The following SNX14 variants were observed in gnomAD, a reference collection of about 807,000 sequenced individuals.
SNX14 encodes sorting nexin-14.
Under a neutral mutation model 133.8 loss-of-function variants are expected in SNX14, and 93 were observed. The observed-to-expected ratio is 0.70, with a 90% CI of 0.59 to 0.83. SNX14 has a LOEUF of 0.83. Among genes scored for constraint, SNX14 ranks in the 40% least tolerant of loss-of-function variants. The pLI, the probability that SNX14 is intolerant of heterozygous loss-of-function variation, is 0.00. For missense variants in SNX14, 945 were observed against 1,094.9 expected (o/e 0.86, Z 1.93); for synonymous variants, 368 against 365.6 (o/e 1.01, Z -0.07).
intron 4 of SNX14, 86 bp downstream of exon 4, chr6:85,572,051 G>T: frequency 1.8e-6 from 2 of 1,123,906 alleles, no homozygotes; most frequent in Non-Finnish European, 1.3e-6. Flanking sequence ...GATGCTCCAT[G>T]ATTAAATTTT....
intron 12 of SNX14, among the ~76,000 whole-genome samples, chr6:85,544,197 T>C (rs1043882657): frequency 1.3e-5 from 2 of 152,182 alleles, no homozygotes; most frequent in Non-Finnish European, 2.9e-5. Flanking sequence ...AGAACTGAGT[T>C]TGAACAAATG....
intron 4 of SNX14, among the ~76,000 whole-genome samples, chr6:85,571,036 A>C (rs1795370127): frequency 6.6e-6 from 1 of 152,024 alleles, no homozygotes; most frequent in African/African-American, 2.4e-5. Context: ...AGAAGTCTTA[A>C]ATCAGGGTAT....
chr6:85,533,562 G>C (rs777016602), intron 18 of SNX14, 37 bp downstream of exon 18: 19 of 1,577,828 alleles, frequency 1.2e-5, no homozygotes, highest in Non-Finnish European at 1.6e-5. Context: ...CTCATTCATG[G>C]GCATCTTTTA....
At chr6:85,580,674 T>C (rs1399526956) in intron 1 of SNX14, among the ~76,000 whole-genome samples, 1 of 152,200 alleles carries the variant, frequency 6.6e-6, no homozygotes, top group East Asian at 1.9e-4. Context: ...GGCCTTGGGC[T>C]TAAGTAAACA....
rs9444350 is a variant in SNX14 at position 85,512,557 on chromosome 6, G to C, written c.2653+1243C>G. On this transcript the variant is annotated intron_variant, in intron 26 of 28. Transcript: ENST00000314673. ...GAATTGCTTGAACCCAGGAGGCGGA[G>C]GTTGCAGTGAGCAGAGATCGTGTCA... 1.5e-3 allele frequency among the ~76,000 whole-genome samples: 234 copies of C among 151,100 alleles called. 1 individual carries two copies. The highest frequency in any genetic ancestry group is 5.5e-3 in the African/African-American group (226 of 41,070).
At chr6:85,555,343 TTGGTGAA>T (rs1789329035) in intron 7 of SNX14, among the ~76,000 whole-genome samples, 1 of 152,232 alleles carries the variant, frequency 6.6e-6, no homozygotes, top group African/African-American at 2.4e-5. Context: ...TGTCCTTCAA[TTGGTGAA>T]TGGATAAACA....
chr6:85,584,389 T>C (rs560139293), intron 1 of SNX14, among the ~76,000 whole-genome samples: 22 of 152,120 alleles, frequency 1.4e-4, no homozygotes, highest in African/African-American at 4.8e-4. Context: ...AAAGCCAAAA[T>C]TGACAAATGG....
chr6:85,514,089 T>G lies in SNX14; in HGVS notation c.2538A>C (p.Ser846=). 1.9e-6 allele frequency: 3 copies of G among 1,613,042 alleles called. No individual in the cohort carries two copies. Among genetic ancestry groups the G allele is most frequent in the Non-Finnish European group, 2.5e-6 (3 of 1,179,684 alleles). ...ACAAACCTCTGAGAAGTGTTATGAGTGAGACCAAACGGTGCTCCTGAAATA... is the reference window on the plus strand; with the variant it reads ...ACAAACCTCTGAGAAGTGTTATGAGGGAGACCAAACGGTGCTCCTGAAATA... ...EQLFQEHRLV[S]LITLLRDAIF... The change falls in exon 25 of 29, where the codon TCA becomes TCC. Residue 846 remains serine (S), a synonymous_variant. Coordinates refer to ENST00000314673, the MANE Select transcript of SNX14 (RefSeq NM_153816.6).
intron 21 of SNX14, among the ~76,000 whole-genome samples, chr6:85,522,564 A>C (rs2127924918): frequency 6.6e-6 from 1 of 152,288 alleles, no homozygotes; most frequent in East Asian, 1.9e-4. Flanking sequence ...AAAAGTTTAC[A>C]ATTTTCTCTA....
At chr6:85,530,635 ACT>A (rs1309272743) in intron 18 of SNX14, among the ~76,000 whole-genome samples, 3 of 148,766 alleles carry the variant, frequency 2.0e-5, no homozygotes, top group African/African-American at 7.5e-5. Flanking sequence ...ACAGAGCGAG[ACT>A]CTGTCTCAAA....
At chr6:85,568,887 T>C (rs1268687941) in intron 4 of SNX14, among the ~76,000 whole-genome samples, 2 of 152,128 alleles carry the variant, frequency 1.3e-5, no homozygotes, top group African/African-American at 4.8e-5. Flanking sequence ...TCATTAAACA[T>C]TTCTTCTTCC....
chr6:85,587,851 A>T, intron 1 of SNX14, among the ~76,000 whole-genome samples: 1 of 152,260 alleles, frequency 6.6e-6, no homozygotes, highest in East Asian at 1.9e-4. Context: ...TAAAGAAATT[A>T]AAATAGTAAT....
At chr6:85,539,882 G>T (rs190494790) in intron 15 of SNX14, among the ~76,000 whole-genome samples, 4 of 151,400 alleles carry the variant, frequency 2.6e-5, no homozygotes, top group African/African-American at 9.7e-5. Context: ...AGCCAAGAAG[G>T]CTTTTCATCT....
intron 16 of SNX14, 82 bp from the exon 17 acceptor site, chr6:85,537,006 A>G: frequency 2.1e-6 from 3 of 1,422,668 alleles, no homozygotes; most frequent in Non-Finnish European, 2.8e-6. Context: ...ATTAAAAAAA[A>G]GAAAAACAGT....
intron 21 of SNX14, 116 bp from the exon 22 acceptor site, chr6:85,518,164 G>A: frequency 1.3e-6 from 1 of 798,868 alleles, no homozygotes; most frequent in South Asian, 1.9e-5. Context: ...AACTGTAAAA[G>A]TATTTATGAT....
chr6:85,517,820 G>T lies in SNX14; in HGVS notation c.2204C>A (p.Pro735Gln). ...TTCTGGTCTACTTGGTTTAGGCTTT[G>T]GAGACTCACAAGAATTAATGAAATT... ...IMNFINSCES[P>Q]KPKPSRPELT... is the part of the protein sequence containing the mutation. Residue 735 changes from proline to glutamine, a missense_variant, in exon 23 of 29, where the codon CCA becomes CAA. Physicochemically the swap from Pro to Gln is moderately conservative, Grantham distance 76. Coordinates refer to ENST00000314673, the MANE Select transcript of SNX14 (RefSeq NM_153816.6). 6.2e-7 allele frequency: 1 copy of T among 1,611,266 alleles called. No homozygotes were observed. The highest frequency in any genetic ancestry group is 1.7e-4 in the Middle Eastern group (1 of 6,046).
intron 2 of SNX14, among the ~76,000 whole-genome samples, chr6:85,572,970 A>G (rs1796169323): frequency 6.6e-6 from 1 of 152,176 alleles, no homozygotes; most frequent in Non-Finnish European, 1.5e-5. Flanking sequence ...AGGAAGAAAG[A>G]AAAAAGAAAG....
chr6:85,516,717 A>C (rs1226621739), intron 23 of SNX14, among the ~76,000 whole-genome samples: 1 of 144,514 alleles, frequency 6.9e-6, no homozygotes, highest in Non-Finnish European at 1.5e-5. Context: ...AGCTCACTGC[A>C]ACCTCCACCT....
intron 21 of SNX14, among the ~76,000 whole-genome samples, chr6:85,518,565 C>T (rs943224860): frequency 4.6e-5 from 7 of 152,138 alleles, no homozygotes; most frequent in African/African-American, 1.7e-4. Context: ...TCTTGATCTC[C>T]AGCTTCCCTT....
Sources: gnomAD v4.1 joint callset for allele counts (sites outside exome capture counted in the v4.1 genomes callset) on GRCh38, gnomAD v4.1.1 for gene constraint, MANE v1.5 for transcripts, NCBI Gene and HGNC (gene_info 2026-07-23, HGNC 2026-07-21) for gene names.